Variants in SLC41A3 observed in about 807,000 individuals in gnomAD.
SLC41A3 encodes solute carrier family 41 member 3, also known as SLC41A1-like 2.
Under a neutral mutation model 45.4 loss-of-function variants are expected in SLC41A3, and 44 were observed. The observed-to-expected ratio is 0.97, with a 90% CI of 0.76 to 1.25. The LOEUF is 1.25. SLC41A3 is among the 50% of genes most tolerant of loss of function. The pLI is 0.00. For missense variants in SLC41A3, 550 were observed against 600.6 expected, an observed-to-expected ratio of 0.92 and a Z score of 0.88; for synonymous variants, 256 against 252.4, an observed-to-expected ratio of 1.01 and a Z score of -0.13.
At chr3:126,086,454 G>GT (rs1473829162), upstream of SLC41A3, among the ~76,000 whole-genome samples, 1 of 27,346 alleles carries the variant, frequency 3.7e-5, no homozygotes, top group Non-Finnish European at 7.0e-5. Flanking sequence ...TGGGGAATTT[G>GT]TATTTATCTC....
chr3:126,037,465 A>G (rs892772809), intron 3 of SLC41A3, among the ~76,000 whole-genome samples: 1 of 152,170 alleles, frequency 6.6e-6, no homozygotes, highest in African/African-American at 2.4e-5. Flanking sequence ...AGTTATTGGG[A>G]ACTAGAGAAA....
At chr3:126,049,621 G>A (rs771716010) in intron 3 of SLC41A3, among the ~76,000 whole-genome samples, 14 of 152,318 alleles carry the variant, frequency 9.2e-5, no homozygotes, top group Non-Finnish European at 1.5e-4. Flanking sequence ...GTATACATGA[G>A]TTGTGTGTGC....
chr3:126,050,026 G>A (rs181582446), intron 3 of SLC41A3, among the ~76,000 whole-genome samples: 11 of 152,234 alleles, frequency 7.2e-5, no homozygotes, highest in Admixed American at 7.2e-4. Flanking sequence ...AAGGACCCCT[G>A]TGGTTACACT....
intron 2 of SLC41A3, among the ~76,000 whole-genome samples, chr3:126,058,716 A>G (rs2107952863): frequency 6.6e-6 from 1 of 152,330 alleles, no homozygotes; most frequent in Non-Finnish European, 1.5e-5. Context: ...TGGTCAACAC[A>G]CTGCCTGAGA....
rs752618278 is a variant in SLC41A3, at chr3:126,026,334, C to T, written c.598+1G>A. On this transcript the variant is annotated splice_donor_variant, in intron 5 of 10. Transcript: ENST00000360370. LOFTEE classifies it high-confidence loss of function. This position sits in a 1 kb window ranked among gnomAD's most constrained non-coding sequence, Gnocchi z 4.2. ...GGGCTCACAGCTGGGGCATGGCTCA[C>T]CCAGGGCAAAGGCTGCAAGGAAGGC... 5.1e-6 allele frequency: 8 copies of T among 1,559,582 alleles called. No homozygotes were observed. In the South Asian group the frequency reaches 9.5e-5, roughly 18 times the overall value.
At chr3:126,017,744 T>A (rs1182289408) in intron 6 of SLC41A3, among the ~76,000 whole-genome samples, 2 of 152,138 alleles carry the variant, frequency 1.3e-5, no homozygotes, top group African/African-American at 4.8e-5. Context: ...TCCCATGTAC[T>A]CCCTCTCTGG....
intron 1 of SLC41A3, among the ~76,000 whole-genome samples, chr3:126,069,552 A>AC (rs1944518651): frequency 6.6e-6 from 1 of 152,162 alleles, no homozygotes. Context: ...CACGTTATAT[A>AC]CTGTTAAAGG....
intron 3 of SLC41A3, among the ~76,000 whole-genome samples, chr3:126,049,155 A>G (rs1428407622): frequency 6.6e-6 from 1 of 152,182 alleles, no homozygotes; most frequent in Non-Finnish European, 1.5e-5. Context: ...TAAGAGAATT[A>G]AAACACTGAG....
Position 126,006,435 on chromosome 3 carries a change from A to G in SLC41A3, c.*581T>C, listed in dbSNP as rs1397299607. On this transcript the variant is annotated 3_prime_UTR_variant, in exon 11 of 11. Coordinates refer to ENST00000360370, the MANE Select transcript of SLC41A3 (RefSeq NM_017836.4). ...AATAGAGGTTTTTGCTAACAAACAA[A>G]AAGGAAAATAAAAAGACAGCAAGGA... 5 of 1,605,676 alleles carry G rather than the reference A, an allele frequency of 3.1e-6. No homozygotes were observed. The East Asian group carries it at 8.9e-5, about 29-fold the overall frequency.
At chr3:126,010,665 C>T (rs1939613342) in intron 9 of SLC41A3, among the ~76,000 whole-genome samples, 1 of 152,226 alleles carries the variant, frequency 6.6e-6, no homozygotes. Flanking sequence ...CTGTGGCTGG[C>T]AGGGTGAGAT....
chr3:126,040,336 G>C (rs146708524), intron 3 of SLC41A3, among the ~76,000 whole-genome samples: 227 of 152,232 alleles, frequency 1.5e-3, no homozygotes, highest in African/African-American at 5.1e-3. Flanking sequence ...AAGAGTGCTG[G>C]AAAACAAGAA....
rs147933950 is a variant in SLC41A3 at position 126,069,417 on chromosome 3, C to T, written c.-27-1171G>A. ...ATCAGCTGGCACTGGGCAGAGACTG[C>T]CGTGGCCACATACAACAGAGAATGG... On this transcript the variant is annotated intron_variant, in intron 1 of 10. Transcript: ENST00000360370. Among the ~76,000 whole-genome samples the T allele has an allele frequency of 9.9e-5, 15 of 152,242 alleles. No homozygotes were observed. The East Asian group carries it at 2.5e-3, about 26-fold the overall frequency.
intron 1 of SLC41A3, among the ~76,000 whole-genome samples, chr3:126,101,052 T>G (rs1576395230): frequency 2.0e-5 from 3 of 152,240 alleles, no homozygotes; most frequent in Middle Eastern, 3.2e-3. Context: ...TCCATGATGT[T>G]GGACTCGGCT....
intron 4 of SLC41A3, among the ~76,000 whole-genome samples, chr3:126,028,112 G>A (rs1166568951): frequency 1.3e-5 from 2 of 152,204 alleles, no homozygotes; most frequent in Non-Finnish European, 2.9e-5. Flanking sequence ...CACTTTCAGG[G>A]GAGAAATTCA....
Position 126,006,953 on chromosome 3 carries a change from A to C in SLC41A3, c.*63T>G, listed in dbSNP as rs1250565314. On this transcript the variant is annotated 3_prime_UTR_variant, in exon 11 of 11. Coordinates refer to ENST00000360370, the MANE Select transcript of SLC41A3 (RefSeq NM_017836.4). ...CAAGGACCTGGCAAGGGAGAAACTG[A>C]ATTCTGTATCCCACTGATGTGAGAG... 2.6e-5 allele frequency: 42 copies of C among 1,605,080 alleles called. No homozygotes were observed. The highest frequency in any genetic ancestry group is 3.6e-5 in the Non-Finnish European group (42 of 1,174,514).
At chr3:126,049,011 A>G (rs1243666218) in intron 3 of SLC41A3, among the ~76,000 whole-genome samples, 5 of 152,176 alleles carry the variant, frequency 3.3e-5, no homozygotes, top group Non-Finnish European at 7.4e-5. Context: ...AATGAATTAC[A>G]TTAATATGGC....
chr3:126,053,315 C>A (rs1441305168), intron 2 of SLC41A3, among the ~76,000 whole-genome samples: 2 of 152,204 alleles, frequency 1.3e-5, no homozygotes, highest in African/African-American at 4.8e-5. Context: ...AGACACAGGG[C>A]CATCTGCAAA....
chr3:126,086,904 A>G (rs1347586532), upstream of SLC41A3, among the ~76,000 whole-genome samples: 1 of 152,208 alleles, frequency 6.6e-6, no homozygotes, highest in Non-Finnish European at 1.5e-5. Flanking sequence ...AAGTAAAAAT[A>G]AAAGCACTTA....
chr3:126,035,412 A>AACAGGAGCC (rs1481251039), intron 3 of SLC41A3, among the ~76,000 whole-genome samples: 1 of 152,218 alleles, frequency 6.6e-6, no homozygotes, highest in Non-Finnish European at 1.5e-5. Context: ...CAGCCAGGCC[A>AACAGGAGCC]ACAGGAGCCA....
Sources: allele counts gnomAD v4.1 joint callset (sites outside exome capture counted in the v4.1 genomes callset), GRCh38; gene constraint gnomAD v4.1.1; non-coding constraint Gnocchi (gnomAD v3.1); transcripts MANE v1.5; gene names NCBI Gene and HGNC (gene_info 2026-07-23, HGNC 2026-07-21).